TLK1: variants seen among roughly 807,000 people sequenced by gnomAD.
The protein encoded by TLK1 is tousled like kinase 1.
Under a neutral mutation model 105.3 loss-of-function variants are expected in TLK1, and 24 were observed. That is an observed-to-expected ratio of 0.23 (90% CI 0.17 to 0.32). The LOEUF (loss-of-function observed/expected upper bound fraction) is 0.32, where lower values mean the gene tolerates loss of function less well. TLK1 is among the 10% of genes least tolerant of loss of function. The probability of loss-of-function intolerance (pLI) is 1.00; values close to 1 mark genes in which losing one functional copy is unlikely to be tolerated. For missense variants in TLK1, 558 were observed against 910.5 expected (o/e 0.61, Z 4.98); for synonymous variants, 321 against 310.4 (o/e 1.03, Z -0.36).
chr2:171,107,418 C>T (rs1357670974), intron 2 of TLK1, among the ~76,000 whole-genome samples: 1 of 152,114 alleles, frequency 6.6e-6, no homozygotes, highest in Non-Finnish European at 1.5e-5. Context: ...AACATATGAT[C>T]CTTGCCTTAA....
rs565245102 is a variant in TLK1 at position 171,082,754 on chromosome 2, C to T, written c.330+27G>A. The T allele has an allele frequency of 1.9e-5, 29 of 1,512,714 alleles. No individual in the cohort carries two copies. In the South Asian group the frequency reaches 3.2e-4, roughly 17 times the overall value. 93.7% of individuals were successfully genotyped at this position (1,512,714 alleles called of 1,614,324 possible). ...GTGATTCCAGCTTTTACTTTAATAG[C>T]ACCATATTTAAAATGAAATTACTTA... is the stretch of plus-strand genomic sequence containing the variant. On this transcript the variant is annotated intron_variant, in intron 3 of 20. Coordinates refer to ENST00000431350, the MANE Select transcript of TLK1 (RefSeq NM_012290.5).
chr2:171,167,314 G>A (rs9752051), intron 1 of TLK1, among the ~76,000 whole-genome samples: 16,950 of 152,094 alleles, frequency 0.11, 1,448 homozygotes, highest in African/African-American at 0.23. Context: ...TGTCAACAAG[G>A]CCTCCTCTGC....
intron 1 of TLK1, among the ~76,000 whole-genome samples, chr2:171,128,088 T>C (rs969011986): frequency 6.6e-6 from 1 of 152,284 alleles, no homozygotes; most frequent in Non-Finnish European, 1.5e-5. Flanking sequence ...TTTAATATAA[T>C]TGGTCTTTTT....
At chr2:171,196,432 G>T (rs1345426958) in intron 1 of TLK1, among the ~76,000 whole-genome samples, 1 of 152,138 alleles carries the variant, frequency 6.6e-6, no homozygotes, top group Non-Finnish European at 1.5e-5. Context: ...GCCAGAAATG[G>T]TGAGACCTTT....
intron 18 of TLK1, among the ~76,000 whole-genome samples, chr2:171,003,273 CAAAAAAAAAAAAAAAA>C (rs777049271): frequency 0.074 from 5,058 of 68,784 alleles, 486 homozygotes; most frequent in East Asian, 0.5. Flanking sequence ...GACTCCGTCT[CAAAAAAAAAAAAAAAA>C]AAAAAAAAAA....
chr2:171,193,446 G>C (rs1693195285), intron 1 of TLK1, among the ~76,000 whole-genome samples: 1 of 151,064 alleles, frequency 6.6e-6, no homozygotes, highest in Non-Finnish European at 1.5e-5. Flanking sequence ...GCCCAGGCTG[G>C]AGTCCAGTGG....
intron 1 of TLK1, among the ~76,000 whole-genome samples, chr2:171,119,345 A>T (rs1389108921): frequency 2.0e-5 from 3 of 152,192 alleles, no homozygotes; most frequent in Middle Eastern, 3.2e-3. Context: ...TAATTCAGCC[A>T]CACCTGTTCC....
At chr2:171,146,799 T>G (rs1411395161) in intron 1 of TLK1, among the ~76,000 whole-genome samples, 1 of 152,220 alleles carries the variant, frequency 6.6e-6, no homozygotes, top group Non-Finnish European at 1.5e-5. Flanking sequence ...TTCCCACTTC[T>G]CCTTTTTAGA....
chr2:171,193,486 T>C (rs1041442708), intron 1 of TLK1, among the ~76,000 whole-genome samples: 11 of 147,788 alleles, frequency 7.4e-5, no homozygotes, highest in Admixed American at 5.4e-4. Context: ...AAGCTCCGCC[T>C]CCCAGGTTCA....
At chr2:171,161,179 G>A (rs961696121), upstream of TLK1, among the ~76,000 whole-genome samples, 1 of 146,732 alleles carries the variant, frequency 6.8e-6, no homozygotes, top group African/African-American at 2.5e-5. Context: ...GCGTCCCCGC[G>A]CCGGCCGGAG....
chr2:171,188,720 A>AG (rs909691042), intron 1 of TLK1, among the ~76,000 whole-genome samples: 12 of 151,318 alleles, frequency 7.9e-5, no homozygotes, highest in African/African-American at 2.4e-4. Context: ...AAAAAAAAAA[A>AG]AAAAAGAAAA....
chr2:171,005,869 A>G (rs1684629588), intron 18 of TLK1, among the ~76,000 whole-genome samples: 1 of 152,176 alleles, frequency 6.6e-6, no homozygotes, highest in African/African-American at 2.4e-5. Flanking sequence ...AAAACCCATG[A>G]ATGAATTCTT....
intron 8 of TLK1, 154 bp downstream of exon 8, chr2:171,053,607 C>T (rs1687350869): frequency 1.7e-5 from 9 of 530,832 alleles, no homozygotes; most frequent in South Asian, 1.7e-4. Context: ...GTGATCTGCC[C>T]GCCTCGACCT....
chr2:171,105,669 A>G (rs1689890615), intron 2 of TLK1, among the ~76,000 whole-genome samples: 1 of 152,184 alleles, frequency 6.6e-6, no homozygotes, highest in Non-Finnish European at 1.5e-5. Context: ...GCCTGGCGAC[A>G]GAGCGAGACT....
At position 171,088,840 on chromosome 2, in the gene TLK1, G is replaced by A. The variant is rs561409288; in HGVS notation, c.259-5988C>T. Among the ~76,000 whole-genome samples the A allele has an allele frequency of 4.6e-5, 7 of 152,280 alleles. No homozygotes were observed. In the South Asian group the frequency reaches 1.5e-3, roughly 32 times the overall value. On this transcript the variant is annotated intron_variant, in intron 2 of 20. Transcript: ENST00000431350. ...TATCTTTCCTCAAGAAGCAACCAGA[G>A]AATCTGCTCCACCAAAAACAAAGAA...
intron 1 of TLK1, among the ~76,000 whole-genome samples, chr2:171,219,188 G>C (rs1040564533): frequency 6.6e-6 from 1 of 152,150 alleles, no homozygotes; most frequent in Non-Finnish European, 1.5e-5. Flanking sequence ...TTTGAAATCA[G>C]CTTCACTAGG....
chr2:171,111,317 AAT>A (rs1300906222), intron 2 of TLK1, among the ~76,000 whole-genome samples: 1 of 152,240 alleles, frequency 6.6e-6, no homozygotes, highest in Non-Finnish European at 1.5e-5. Context: ...TCACACCTGT[AAT>A]TCCATCACTT....
intron 1 of TLK1, among the ~76,000 whole-genome samples, chr2:171,143,224 T>C (rs1487068049): frequency 3.3e-5 from 5 of 152,018 alleles, no homozygotes; most frequent in Non-Finnish European, 7.4e-5. Flanking sequence ...AACTATAAAA[T>C]GTATTTTCCT....
At chr2:171,043,814 A>C (rs1558903325) in intron 11 of TLK1, among the ~76,000 whole-genome samples, 1 of 152,036 alleles carries the variant, frequency 6.6e-6, no homozygotes, top group Non-Finnish European at 1.5e-5. Flanking sequence ...TCCTGGACTC[A>C]AGTGATCCTC....
Sources: gnomAD v4.1 joint callset for allele counts (sites outside exome capture counted in the v4.1 genomes callset) on GRCh38, gnomAD v4.1.1 for gene constraint, MANE v1.5 for transcripts, NCBI Gene and HGNC (gene_info 2026-07-23, HGNC 2026-07-21) for gene names.